Variants in ACACA observed in about 807,000 individuals in gnomAD.
ACACA encodes the protein acetyl-CoA carboxylase alpha, also known as acetyl-CoA carboxylase 1.
Under a neutral mutation model 296.1 loss-of-function variants are expected in ACACA, and 103 were observed. That is an observed-to-expected ratio of 0.35 (90% CI 0.30 to 0.41). The LOEUF is 0.41. Among genes scored for constraint, ACACA ranks in the 10% least tolerant of loss-of-function variants. The pLI, the probability that ACACA is intolerant of heterozygous loss-of-function variation, is 1.00. For missense variants in ACACA, 1,554 were observed against 2,989.7 expected (o/e 0.52, Z 11.20); for synonymous variants, 953 against 1,038.6 (o/e 0.92, Z 1.58).
intron 40 of ACACA, among the ~76,000 whole-genome samples, chr17:37,180,839 C>T (rs953970245): frequency 6.6e-6 from 1 of 152,164 alleles, no homozygotes; most frequent in Non-Finnish European, 1.5e-5. Context: ...AAAATGAGAA[C>T]TAAAGTATCA....
intron 31 of ACACA, 33 bp downstream of exon 31, chr17:37,207,624 C>T: frequency 1.2e-6 from 2 of 1,613,104 alleles, no homozygotes; most frequent in Non-Finnish European, 1.7e-6. Flanking sequence ...TCCATGGCTC[C>T]CCTTGTACAG....
chr17:37,341,580 C>T (rs2048372123), intron 1 of ACACA, among the ~76,000 whole-genome samples: 1 of 151,718 alleles, frequency 6.6e-6, no homozygotes. Flanking sequence ...ATCCCAGCTA[C>T]TCAGGAGGCT....
chr17:37,344,249 C>T (rs1027242698), intron 1 of ACACA, among the ~76,000 whole-genome samples: 15 of 150,936 alleles, frequency 9.9e-5, no homozygotes, highest in Non-Finnish European at 2.2e-4. Context: ...GACACCATGG[C>T]GAAAACTGTC....
At chr17:37,165,440 G>A (rs1406290678) in intron 41 of ACACA, among the ~76,000 whole-genome samples, 1 of 152,062 alleles carries the variant, frequency 6.6e-6, no homozygotes, top group Non-Finnish European at 1.5e-5. Context: ...GTCCCCACAT[G>A]CGAAATTAAG....
intron 3 of ACACA, among the ~76,000 whole-genome samples, chr17:37,325,670 A>G (rs2047586527): frequency 7.5e-6 from 1 of 133,140 alleles, no homozygotes; most frequent in Admixed American, 9.3e-5. Context: ...GCACCCCCGG[A>G]TTCAAGCACT....
chr17:37,130,936 G>T (rs973971360), intron 45 of ACACA, among the ~76,000 whole-genome samples: 9 of 148,384 alleles, frequency 6.1e-5, no homozygotes, highest in Non-Finnish European at 1.0e-4. Flanking sequence ...AGTAATTGTG[G>T]TTTTTGTCAT....
At chr17:37,096,867 C>T in intron 54 of ACACA, 129 bp downstream of exon 54, 2 of 1,124,790 alleles carry the variant, frequency 1.8e-6, no homozygotes, top group South Asian at 2.5e-5. Flanking sequence ...GAGGAAACAG[C>T]TTGGATCTCT....
At chr17:37,171,794 A>T (rs191772251) in intron 41 of ACACA, among the ~76,000 whole-genome samples, 1 of 152,352 alleles carries the variant, frequency 6.6e-6, no homozygotes, top group Non-Finnish European at 1.5e-5. Context: ...ATTTATATAC[A>T]TGAAACCACA....
Position 37,086,438 on chromosome 17 carries a change from G to A in ACACA, c.*878C>T, listed in dbSNP as rs1005330529. On this transcript the variant is annotated 3_prime_UTR_variant, in exon 56 of 56. Transcript: ENST00000616317. ...TGGCATAAATAACTAGTTTCCACCAGTGCAGAAAGGGCAGTTCTCTTCTGG... is the reference window on the plus strand; with the variant it reads ...TGGCATAAATAACTAGTTTCCACCAATGCAGAAAGGGCAGTTCTCTTCTGG... 2 of 152,250 alleles carry A rather than the reference G, an allele frequency of 1.3e-5. No individual in the cohort carries two copies. The highest frequency in any genetic ancestry group is 6.5e-5 in the Admixed American group (1 of 15,288). 9.4% of individuals were successfully genotyped at this position (152,250 alleles called of 1,614,324 possible).
intron 24 of ACACA, among the ~76,000 whole-genome samples, chr17:37,236,517 A>G (rs2080119227): frequency 6.6e-6 from 1 of 151,666 alleles, no homozygotes; most frequent in Non-Finnish European, 1.5e-5. Flanking sequence ...GCATACCAAG[A>G]CACTCTTTTT....
chr17:37,276,285 G>A lies in ACACA; in HGVS notation c.803-236C>T, dbSNP rs540111906. ...GAGTGAGAGCTCAATATATATAAAT[G>A]TATGCTGAATTAAATTTTTGACAAA... On this transcript the variant is annotated intron_variant, in intron 7 of 55. Transcript: ENST00000616317. Among the ~76,000 whole-genome samples, 17 of 152,164 alleles carry A rather than the reference G, an allele frequency of 1.1e-4. No individual in the cohort carries two copies. The South Asian group carries it at 3.5e-3, about 32-fold the overall frequency.
intron 10 of ACACA, among the ~76,000 whole-genome samples, chr17:37,264,325 T>C (rs1267945046): frequency 6.6e-6 from 1 of 152,234 alleles, no homozygotes; most frequent in Admixed American, 6.5e-5. Flanking sequence ...ATCTTTAGTT[T>C]TGAAGAATAT....
At chr17:37,344,209 G>A (rs994224550) in intron 1 of ACACA, among the ~76,000 whole-genome samples, 8 of 151,966 alleles carry the variant, frequency 5.3e-5, no homozygotes, top group African/African-American at 1.9e-4. Flanking sequence ...CAAGAGGATG[G>A]CTTGAGCCCA....
intron 45 of ACACA, among the ~76,000 whole-genome samples, chr17:37,132,926 C>T (rs1424484019): frequency 6.6e-6 from 1 of 152,174 alleles, no homozygotes; most frequent in East Asian, 1.9e-4. Context: ...GAGTACTCTT[C>T]TCTTTACAAG....
chr17:37,226,523 G>A, intron 25 of ACACA, 71 bp from the exon 26 acceptor site: 2 of 1,329,468 alleles, frequency 1.5e-6, no homozygotes, highest in Non-Finnish European at 2.2e-6. Context: ...TTTTAAAATA[G>A]AGAAAAGGAA....
intron 1 of ACACA, among the ~76,000 whole-genome samples, chr17:37,398,019 A>G (rs545522530): frequency 3.7e-4 from 56 of 152,002 alleles, no homozygotes; most frequent in Non-Finnish European, 5.9e-4. Flanking sequence ...TCACAAGGTC[A>G]AGAGATTGAG....
chr17:37,201,286 A>C lies in ACACA; in HGVS notation c.4057-803T>G, dbSNP rs114526750. Among the ~76,000 whole-genome samples, 1,487 of 152,262 alleles carry C rather than the reference A, an allele frequency of 9.8e-3. 23 individuals are homozygous for C. The highest frequency in any genetic ancestry group is 0.034 in the African/African-American group (1,416 of 41,554). ...AAACCCTGTCTCTACTAAAAATAGA[A>C]AAAAATGAGCCAAGTGTGGTGGCAC... On this transcript the variant is annotated intron_variant, in intron 33 of 55. Coordinates refer to ENST00000616317, the MANE Select transcript of ACACA (RefSeq NM_198834.3).
At chr17:37,229,605 T>TA (rs947326073) in intron 25 of ACACA, among the ~76,000 whole-genome samples, 8 of 151,690 alleles carry the variant, frequency 5.3e-5, no homozygotes, top group African/African-American at 1.9e-4. Flanking sequence ...GCCTGGCAGT[T>TA]ACAGATCATG....
chr17:37,127,247 A>G (rs1045607991), intron 47 of ACACA, among the ~76,000 whole-genome samples: 1 of 152,226 alleles, frequency 6.6e-6, no homozygotes, highest in Non-Finnish European at 1.5e-5. Flanking sequence ...GGTTCATCAG[A>G]ACACTGAATT....
Sources: gnomAD v4.1 joint callset for allele counts (sites outside exome capture counted in the v4.1 genomes callset) on GRCh38, gnomAD v4.1.1 for gene constraint, MANE v1.5 for transcripts, NCBI Gene and HGNC (gene_info 2026-07-23, HGNC 2026-07-21) for gene names.